DDC: variants seen among roughly 807,000 people sequenced by gnomAD.
DDC encodes the protein dopa decarboxylase.
A neutral mutation model predicts 60.0 loss-of-function variants in DDC; 43 were observed. The observed-to-expected ratio is 0.72, with a 90% CI of 0.56 to 0.92. The LOEUF is 0.92. Ranked by LOEUF, DDC falls within the 40% of genes least tolerant of loss-of-function variation. The pLI is 0.00. For missense variants in DDC, 573 were observed against 620.2 expected, an observed-to-expected ratio of 0.92 and a Z score of 0.81; for synonymous variants, 232 against 234.6, an observed-to-expected ratio of 0.99 and a Z score of 0.10.
chr7:50,465,084 A>G (rs187529466), intron 13 of DDC, among the ~76,000 whole-genome samples: 10 of 152,346 alleles, frequency 6.6e-5, no homozygotes, highest in East Asian at 3.9e-4. Flanking sequence ...CAGTACACAG[A>G]TGGGTTTGGT....
intron 6 of DDC, among the ~76,000 whole-genome samples, chr7:50,513,506 G>A (rs189991316): frequency 9.2e-5 from 14 of 152,160 alleles, no homozygotes; most frequent in African/African-American, 2.9e-4. Flanking sequence ...TGCAAATCCG[G>A]TGTGCAGGCT....
intron 13 of DDC, among the ~76,000 whole-genome samples, chr7:50,465,533 G>A (rs1302618635): frequency 6.6e-6 from 1 of 152,090 alleles, no homozygotes; most frequent in Non-Finnish European, 1.5e-5. Flanking sequence ...CACCACTCCT[G>A]ACTAATTTTT....
chr7:50,548,681 A>G (rs2044883803), intron 1 of DDC, among the ~76,000 whole-genome samples: 1 of 152,222 alleles, frequency 6.6e-6, no homozygotes, highest in African/African-American at 2.4e-5. Context: ...GCAAGGTGAA[A>G]CAGCAAGAGC....
chr7:50,546,649 C>T (rs761472098), intron 1 of DDC, among the ~76,000 whole-genome samples: 1 of 152,204 alleles, frequency 6.6e-6, no homozygotes, highest in African/African-American at 2.4e-5. Flanking sequence ...GGCATTCTCT[C>T]TAATATTTTT....
chr7:50,512,730 C>T (rs1289212620), intron 6 of DDC, among the ~76,000 whole-genome samples: 2 of 152,214 alleles, frequency 1.3e-5, no homozygotes, highest in African/African-American at 4.8e-5. Context: ...CCCATTGCTG[C>T]AAGACCCACC....
rs576153523 is a variant in DDC at position 50,513,955 on chromosome 7, C to T, written c.715-9896G>A. On this transcript the variant is annotated intron_variant, in intron 6 of 14. Transcript: ENST00000444124. ...GTAGGGCCCTGCCCACCACTGGGCCCTCTCCATACTACTACAGCTGATGCT... is the reference window on the plus strand; with the variant it reads ...GTAGGGCCCTGCCCACCACTGGGCCTTCTCCATACTACTACAGCTGATGCT... 3.3e-5 allele frequency among the ~76,000 whole-genome samples: 5 copies of T among 152,186 alleles called. No homozygotes were observed. The South Asian group carries it at 8.3e-4, about 25-fold the overall frequency.
At chr7:50,468,672 G>A (rs11575508) in intron 12 of DDC, among the ~76,000 whole-genome samples, 7,998 of 152,198 alleles carry the variant, frequency 0.053, 487 homozygotes, top group African/African-American at 0.15. Context: ...AGGTGGCTGG[G>A]GACACCTGCC....
chr7:50,485,378 T>C (rs1411250639), intron 9 of DDC, among the ~76,000 whole-genome samples: 3 of 152,238 alleles, frequency 2.0e-5, no homozygotes, highest in Admixed American at 6.5e-5. Flanking sequence ...GAAACTTCAA[T>C]TATTTTGTCT....
chr7:50,546,143 G>C (rs527794660), intron 1 of DDC, among the ~76,000 whole-genome samples: 1 of 152,184 alleles, frequency 6.6e-6, no homozygotes, highest in Non-Finnish European at 1.5e-5. Flanking sequence ...TAGCAATGGT[G>C]ATGACCTTAC....
chr7:50,503,217 C>T (rs569301108), intron 7 of DDC, among the ~76,000 whole-genome samples: 27 of 152,348 alleles, frequency 1.8e-4, no homozygotes, highest in African/African-American at 6.5e-4. Context: ...CACTCACAGC[C>T]GAGCGGTCAG....
chr7:50,508,828 C>G (rs1357850176), intron 6 of DDC, among the ~76,000 whole-genome samples: 1 of 152,202 alleles, frequency 6.6e-6, no homozygotes, highest in Non-Finnish European at 1.5e-5. Context: ...CCCAGACTCT[C>G]TCCAGCTTTA....
intron 1 of DDC, among the ~76,000 whole-genome samples, chr7:50,561,879 T>A (rs2045349125): frequency 1.3e-5 from 2 of 151,758 alleles, no homozygotes; most frequent in Non-Finnish European, 2.9e-5. Flanking sequence ...CCATGCACAC[T>A]TATGCATGCA....
chr7:50,463,441 T>C lies in DDC; in HGVS notation c.1243-10A>G, dbSNP rs748679925. 1.5e-5 allele frequency: 24 copies of C among 1,612,850 alleles called. No homozygotes were observed. The East Asian group carries it at 3.3e-4, about 22-fold the overall frequency. On this transcript the variant is annotated splice_polypyrimidine_tract_variant and intron_variant, in intron 13 of 14. Transcript: ENST00000444124. ...TCACTTTGTTGGAACCCTGGAGGGA[T>C]TGAAAGAGAGGAACTGTGCTCAGGT...
At chr7:50,496,113 G>A (rs1457979857) in intron 8 of DDC, among the ~76,000 whole-genome samples, 3 of 148,158 alleles carry the variant, frequency 2.0e-5, no homozygotes, top group East Asian at 2.0e-4. Context: ...TTTTTTGAGC[G>A]ACAGGGTCTT....
At chr7:50,552,542 G>A (rs1446846921) in intron 1 of DDC, among the ~76,000 whole-genome samples, 1 of 152,160 alleles carries the variant, frequency 6.6e-6, no homozygotes, top group Admixed American at 6.5e-5. Context: ...GCTTCAAGAA[G>A]AGATGGACTC....
intron 1 of DDC, chr7:50,564,270 G>A (rs2045390936): frequency 1.3e-5 from 2 of 152,232 alleles, no homozygotes; most frequent in South Asian, 4.1e-4. Context: ...AAGGCTGAAT[G>A]CTGGAGGGAC....
chr7:50,505,807 C>A (rs1193717004), intron 6 of DDC, among the ~76,000 whole-genome samples: 1 of 152,280 alleles, frequency 6.6e-6, no homozygotes, highest in Non-Finnish European at 1.5e-5. Flanking sequence ...CTCTGTGTCA[C>A]TGAGCTATGC....
chr7:50,562,298 G>C (rs1367702264), intron 1 of DDC, among the ~76,000 whole-genome samples: 1 of 152,204 alleles, frequency 6.6e-6, no homozygotes, highest in Non-Finnish European at 1.5e-5. Flanking sequence ...GCCGTGCAGG[G>C]ACCTGCAGGC....
chr7:50,509,902 TA>T (rs1164362512), intron 6 of DDC, among the ~76,000 whole-genome samples: 2 of 152,328 alleles, frequency 1.3e-5, no homozygotes, highest in African/African-American at 4.8e-5. Flanking sequence ...TTCAGGGCTA[TA>T]AATCATTCCC....
Sources: allele counts gnomAD v4.1 joint callset (sites outside exome capture counted in the v4.1 genomes callset), GRCh38; gene constraint gnomAD v4.1.1; transcripts MANE v1.5; gene names NCBI Gene and HGNC (gene_info 2026-07-23, HGNC 2026-07-21).